Variants in SPAG1 observed in about 807,000 individuals in gnomAD.
SPAG1 encodes sperm associated antigen 1.
In SPAG1, 69 loss-of-function variants were observed where a neutral mutation model predicts 100.5. That is an observed-to-expected ratio of 0.69 (90% CI 0.57 to 0.84). The LOEUF (loss-of-function observed/expected upper bound fraction) is 0.84, where lower values mean the gene tolerates loss of function less well. Among genes scored for constraint, SPAG1 ranks in the 40% least tolerant of loss-of-function variants. The pLI, the probability that SPAG1 is intolerant of heterozygous loss-of-function variation, is 0.00. For synonymous variants in SPAG1, 336 were observed against 411.6 expected, an observed-to-expected ratio of 0.82 and a Z score of 2.22; for missense variants, 955 against 1,133.1, an observed-to-expected ratio of 0.84 and a Z score of 2.26.
intron 3 of SPAG1, 146 bp downstream of exon 3, chr8:100,166,119 G>A (rs573140375): frequency 1.6e-6 from 1 of 633,086 alleles, no homozygotes; most frequent in Non-Finnish European, 2.7e-6. Flanking sequence ...TTACACCCAG[G>A]GGAACATTGC....
Position 100,233,485 on chromosome 8 carries a change from A to G in SPAG1, c.2063A>G (p.Asp688Gly). 6.2e-7 allele frequency: 1 copy of G among 1,614,092 alleles called. No homozygotes were observed. Among genetic ancestry groups the G allele is most frequent in the African/African-American group, 1.3e-5 (1 of 75,062 alleles). ...QDCDQALQLA[D>G]GNVKAFYRRA... is the part of the protein sequence containing the mutation. Reference sequence around the variant, plus strand: ...TGTGATCAGGCACTTCAGCTAGCTGATGGGAACGTGAAAGCCTTCTATAGA... The same window carrying G: ...TGTGATCAGGCACTTCAGCTAGCTGGTGGGAACGTGAAAGCCTTCTATAGA... Residue 688 changes from aspartate to glycine, a missense_variant, in exon 16 of 19, where the codon GAT becomes GGT. Coordinates refer to ENST00000388798, the MANE Select transcript of SPAG1 (RefSeq NM_003114.5).
chr8:100,236,629 G>A (rs1229888198), intron 16 of SPAG1, among the ~76,000 whole-genome samples: 1 of 152,098 alleles, frequency 6.6e-6, no homozygotes, highest in Non-Finnish European at 1.5e-5. Context: ...TTCTGACTTT[G>A]TTATTTTTAA....
chr8:100,240,760 G>A lies in SPAG1; in HGVS notation c.2638G>A (p.Glu880Lys). The change falls in exon 18 of 19, where the codon GAA becomes AAA. Residue 880 changes from glutamate to lysine, a missense_variant. By Grantham distance (56) the Glu-to-Lys change is moderately conservative. Coordinates refer to ENST00000388798, the MANE Select transcript of SPAG1 (RefSeq NM_003114.5). The part of the protein sequence containing the change: ...YQHLLYLSKA[E>K]RFKMMLTLIS... ...GCATCTTTTATACCTGAGTAAAGCA[G>A]AAAGGTTTAAGGTAAGTGGCTAAGT... 6.3e-7 allele frequency: 1 copy of A among 1,596,692 alleles called. No individual in the cohort carries two copies. The highest frequency in any genetic ancestry group is 8.5e-7 in the Non-Finnish European group (1 of 1,173,790).
intron 8 of SPAG1, among the ~76,000 whole-genome samples, chr8:100,190,653 CT>C (rs966810613): frequency 7.1e-5 from 9 of 126,220 alleles, no homozygotes; most frequent in African/African-American, 1.5e-4. Context: ...CAGTAATATA[CT>C]TTTTTTTTCT....
At chr8:100,192,853 T>C (rs376232162) in intron 9 of SPAG1, among the ~76,000 whole-genome samples, 1 of 152,150 alleles carries the variant, frequency 6.6e-6, no homozygotes, top group African/African-American at 2.4e-5. Context: ...GCCTCCTGTG[T>C]AGCTGAGACC....
intron 10 of SPAG1, among the ~76,000 whole-genome samples, chr8:100,195,518 G>A (rs1402820337): frequency 6.6e-6 from 1 of 152,108 alleles, no homozygotes; most frequent in African/African-American, 2.4e-5. Context: ...AGGTGAGAAG[G>A]AAGAGAGAAC....
intron 13 of SPAG1, among the ~76,000 whole-genome samples, chr8:100,220,946 G>T (rs1033582004): frequency 6.6e-6 from 1 of 151,968 alleles, no homozygotes; most frequent in Non-Finnish European, 1.5e-5. Flanking sequence ...GGTGGCGGGC[G>T]CCTGTAATCC....
At chr8:100,168,541 G>A (rs1332831459) in intron 3 of SPAG1, among the ~76,000 whole-genome samples, 1 of 150,916 alleles carries the variant, frequency 6.6e-6, no homozygotes, top group African/African-American at 2.4e-5. Flanking sequence ...CCACAGGTGT[G>A]TACCACCACA....
intron 13 of SPAG1, among the ~76,000 whole-genome samples, chr8:100,223,179 C>T (rs940668667): frequency 6.6e-6 from 1 of 152,172 alleles, no homozygotes; most frequent in Admixed American, 6.5e-5. Flanking sequence ...AGTTGATGAA[C>T]ATTTGGGTCA....
rs774671355 is a variant in SPAG1 at position 100,240,603 on chromosome 8, T to A, written c.2481T>A (p.His827Gln). 6.2e-7 allele frequency: 1 copy of A among 1,614,172 alleles called. No individual in the cohort carries two copies. The highest frequency in any genetic ancestry group is 8.5e-7 in the Non-Finnish European group (1 of 1,180,010). Residue 827 changes from histidine (H) to glutamine (Q), a missense_variant, in exon 18 of 19, where the codon CAT (histidine) becomes CAA (glutamine). By Grantham distance (24) the His-to-Gln change is conservative. Coordinates refer to ENST00000388798, the MANE Select transcript of SPAG1 (RefSeq NM_003114.5). ...STRKDKEACA[H>Q]LLAITAPKDL... The stretch of plus-strand genomic sequence containing the variant: ...GGAAGGATAAAGAAGCCTGTGCACA[T>A]CTTTTAGCCATCACTGCACCAAAAG...
In SPAG1 at chr8:100,217,860, G is replaced by A. The variant is rs141449587; in HGVS notation, c.1536-2419G>A. 3.8e-3 allele frequency among the ~76,000 whole-genome samples: 578 copies of A among 152,032 alleles called. 4 individuals are homozygous for A. Among genetic ancestry groups the A allele is most frequent in the African/African-American group, 0.013 (545 of 41,454 alleles). ...TGCAATGGCATGATCTCTGCTCACT[G>A]CAGCCTCTGCCTCCTGGGTTCAAGC... On this transcript the variant is annotated intron_variant, in intron 12 of 18. Transcript: ENST00000388798.
intron 14 of SPAG1, among the ~76,000 whole-genome samples, chr8:100,229,681 G>A (rs1016845303): frequency 6.6e-6 from 1 of 152,218 alleles, no homozygotes; most frequent in South Asian, 2.1e-4. Context: ...TGAGGTCCTG[G>A]AAACAGATTC....
intron 17 of SPAG1, among the ~76,000 whole-genome samples, chr8:100,240,074 G>A (rs578144618): frequency 6.6e-6 from 1 of 152,180 alleles, no homozygotes; most frequent in South Asian, 2.1e-4. Context: ...TAGGAGAATC[G>A]AGCAATGTAA....
At chr8:100,192,451 A>G (rs1208235676) in intron 9 of SPAG1, among the ~76,000 whole-genome samples, 2 of 152,258 alleles carry the variant, frequency 1.3e-5, no homozygotes, top group Admixed American at 1.3e-4. Flanking sequence ...TCTCCGCTGC[A>G]GATGAATACT....
At chr8:100,213,013 C>CCTGCGGCCT (rs1817789361) in intron 10 of SPAG1, 77 bp from the exon 11 acceptor site, 3 of 1,056,044 alleles carry the variant, frequency 2.8e-6, no homozygotes, top group Non-Finnish European at 3.7e-6. Flanking sequence ...GTCCTGCACC[C>CCTGCGGCCT]CCGCGGCCTC....
chr8:100,176,960 C>A (rs1345430431), intron 3 of SPAG1, among the ~76,000 whole-genome samples: 1 of 141,870 alleles, frequency 7.0e-6, no homozygotes, highest in Admixed American at 7.5e-5. Flanking sequence ...TTTTTCGTTT[C>A]TTTCTTTTTT....
rs1214301877 is a variant in SPAG1 at position 100,220,091 on chromosome 8, G to T, written c.1536-188G>T. ...AGAGTGCTTTGCTACTGGTTTAAAA[G>T]AAAGGAACACAAATATGATTGCTTT... is the stretch of plus-strand genomic sequence containing the variant. On this transcript the variant is annotated intron_variant, in intron 12 of 18. Coordinates refer to ENST00000388798, the MANE Select transcript of SPAG1 (RefSeq NM_003114.5). Among the ~76,000 whole-genome samples the T allele has an allele frequency of 2.0e-5, 3 of 152,218 alleles. No individual in the cohort carries two copies. The East Asian group carries it at 5.8e-4, about 29-fold the overall frequency.
intron 10 of SPAG1, among the ~76,000 whole-genome samples, chr8:100,194,933 G>A (rs780117732): frequency 2.6e-5 from 4 of 152,060 alleles, no homozygotes; most frequent in Admixed American, 1.3e-4. Flanking sequence ...TTGGGAGGCC[G>A]AGGCGGGTGC....
rs530433862 is a variant in SPAG1, at chr8:100,162,284, A to G, written c.4A>G (p.Thr2Ala). The change falls in exon 2 of 19, where the codon ACC (threonine) becomes GCC (alanine). Residue 2 changes from threonine to alanine, a missense_variant. Coordinates refer to ENST00000388798, the MANE Select transcript of SPAG1 (RefSeq NM_003114.5). ...TTTTAAATATTGTATTTCAGCTATG[A>G]CCACCAAAGATTATCCATCATTGTG... MTTKDYPSLWGF... is the reference protein window; with the variant it reads MATKDYPSLWGF... 2 of 1,596,006 alleles carry G rather than the reference A, an allele frequency of 1.3e-6. No homozygotes were observed. The highest frequency in any genetic ancestry group is 4.5e-5 in the East Asian group (2 of 44,686).
Sources: allele counts gnomAD v4.1 joint callset (sites outside exome capture counted in the v4.1 genomes callset), GRCh38; gene constraint gnomAD v4.1.1; transcripts MANE v1.5; gene names NCBI Gene and HGNC (gene_info 2026-07-23, HGNC 2026-07-21).